The following SLC7A1 variants were observed in gnomAD, a reference collection of about 807,000 sequenced individuals.
SLC7A1 encodes the protein solute carrier family 7 member 1, also known as high affinity cationic amino acid transporter 1.
Under a neutral mutation model 53.9 loss-of-function variants are expected in SLC7A1, and 10 were observed. The observed-to-expected ratio is 0.19, with a 90% CI of 0.11 to 0.31. The LOEUF is 0.31. Ranked by LOEUF, SLC7A1 falls within the 10% of genes least tolerant of loss-of-function variation. The pLI, the probability that SLC7A1 is intolerant of heterozygous loss-of-function variation, is 1.00. For missense variants in SLC7A1, 525 were observed against 827.2 expected, an observed-to-expected ratio of 0.63 and a Z score of 4.48; for synonymous variants, 342 against 338.7, an observed-to-expected ratio of 1.01 and a Z score of -0.11.
At position 29,517,803 on chromosome 13, in the gene SLC7A1, G is replaced by A. The variant is rs368572740; in HGVS notation, c.1293-13C>T. 3 of 1,606,242 alleles carry A rather than the reference G, an allele frequency of 1.9e-6. No homozygotes were observed. Among genetic ancestry groups the A allele is most frequent in the East Asian group, 4.5e-5 (2 of 44,862 alleles). On this transcript the variant is annotated splice_polypyrimidine_tract_variant and intron_variant, in intron 9 of 12. Coordinates refer to ENST00000380752, the MANE Select transcript of SLC7A1 (RefSeq NM_003045.5). Reference sequence around the variant, plus strand: ...CTCTGGCTGGTACCTGGGAAGAAAGGCATTGCGTGACCGCCACATCTGCTT... The same window carrying A: ...CTCTGGCTGGTACCTGGGAAGAAAGACATTGCGTGACCGCCACATCTGCTT...
chr13:29,550,811 G>A (rs1870144501), intron 2 of SLC7A1, among the ~76,000 whole-genome samples: 1 of 152,208 alleles, frequency 6.6e-6, no homozygotes, highest in East Asian at 1.9e-4. Flanking sequence ...GAGAAAGTAA[G>A]ATGTGTGTTG....
At chr13:29,570,981 G>A (rs764044452) in intron 1 of SLC7A1, among the ~76,000 whole-genome samples, 1 of 152,110 alleles carries the variant, frequency 6.6e-6, no homozygotes, top group Non-Finnish European at 1.5e-5. Context: ...CTGGTGCATA[G>A]TATGCGCTAT....
At chr13:29,574,723 C>A (rs11843711) in intron 1 of SLC7A1, among the ~76,000 whole-genome samples, 2,606 of 148,586 alleles carry the variant, frequency 0.018, 63 homozygotes, top group African/African-American at 0.061. Flanking sequence ...CGGCTCACTG[C>A]AAGCTCCGCC....
At chr13:29,546,732 G>A (rs970469510) in intron 2 of SLC7A1, among the ~76,000 whole-genome samples, 3 of 152,184 alleles carry the variant, frequency 2.0e-5, no homozygotes, top group Admixed American at 2.0e-4. Context: ...AAAAAAACTT[G>A]GAACTCCTAG....
At chr13:29,524,997 T>G (rs1868818103) in intron 5 of SLC7A1, among the ~76,000 whole-genome samples, 1 of 152,224 alleles carries the variant, frequency 6.6e-6, no homozygotes, top group African/African-American at 2.4e-5. Flanking sequence ...TGTGGCGCTA[T>G]GGCCCCTCCC....
rs1201758024 is a variant in SLC7A1, at chr13:29,527,074, A to T, written c.705-2821T>A. ...ATAACAATGAACAAGGGCCTGATTA[A>T]AAAAAAAAAAAAAAAATCTGCAGGG... On this transcript the variant is annotated intron_variant, in intron 5 of 12. Coordinates refer to ENST00000380752, the MANE Select transcript of SLC7A1 (RefSeq NM_003045.5). Among the ~76,000 whole-genome samples the T allele has an allele frequency of 5.6e-4, 6 of 10,732 alleles. No individual in the cohort carries two copies. The Non-Finnish European group carries it at 0.022, about 39-fold the overall frequency. 7.0% of individuals were successfully genotyped at this position (10,732 alleles called of 152,430 possible).
chr13:29,547,765 A>C (rs1593558909), intron 2 of SLC7A1, among the ~76,000 whole-genome samples: 1 of 152,256 alleles, frequency 6.6e-6, no homozygotes, highest in East Asian at 1.9e-4. Context: ...GTCTAGGAGA[A>C]GCTGATAAGC....
At chr13:29,524,101 G>A (rs749972871) in intron 6 of SLC7A1, 31 bp downstream of exon 6, 20 of 1,610,112 alleles carry the variant, frequency 1.2e-5, no homozygotes, top group Admixed American at 1.7e-5. Flanking sequence ...GGTGCAGGAG[G>A]ACCCGGGACC....
At chr13:29,529,018 A>T (rs1048371740) in intron 5 of SLC7A1, among the ~76,000 whole-genome samples, 1 of 152,210 alleles carries the variant, frequency 6.6e-6, no homozygotes, top group Non-Finnish European at 1.5e-5. Flanking sequence ...AACCGGTCGA[A>T]TATGCTCTGA....
intron 9 of SLC7A1, among the ~76,000 whole-genome samples, chr13:29,519,187 G>T (rs557703303): frequency 1.1e-4 from 17 of 152,224 alleles, no homozygotes; most frequent in African/African-American, 3.9e-4. Flanking sequence ...GTTGGACCGA[G>T]AATCTGTCTC....
chr13:29,520,827 A>G (rs954976494), intron 8 of SLC7A1, among the ~76,000 whole-genome samples: 1 of 152,270 alleles, frequency 6.6e-6, no homozygotes, highest in Admixed American at 6.5e-5. Context: ...CCAACTGTGC[A>G]TGCCACAAAT....
chr13:29,521,590 C>T (rs929787722), intron 8 of SLC7A1, among the ~76,000 whole-genome samples: 3 of 152,186 alleles, frequency 2.0e-5, no homozygotes, highest in African/African-American at 4.8e-5. Flanking sequence ...AAGGGGCGGG[C>T]GTCTGCCTCT....
At chr13:29,556,171 G>A (rs1870430638) in intron 1 of SLC7A1, among the ~76,000 whole-genome samples, 1 of 152,024 alleles carries the variant, frequency 6.6e-6, no homozygotes, top group Non-Finnish European at 1.5e-5. Flanking sequence ...ACTGAATGCA[G>A]AAGCACATAT....
intron 6 of SLC7A1, among the ~76,000 whole-genome samples, 155 bp downstream of exon 6, chr13:29,523,977 G>A (rs1224436553): frequency 1.3e-5 from 2 of 152,210 alleles, no homozygotes; most frequent in Non-Finnish European, 2.9e-5. Flanking sequence ...ATGGTTTGGG[G>A]GTGGGAGGGC....
chr13:29,516,563 A>T (rs992202263), intron 11 of SLC7A1, among the ~76,000 whole-genome samples: 1 of 152,218 alleles, frequency 6.6e-6, no homozygotes, highest in Admixed American at 6.5e-5. Context: ...ACGGACCTCC[A>T]CTTTACCTCT....
chr13:29,526,774 G>C (rs868656722), intron 5 of SLC7A1, among the ~76,000 whole-genome samples: 1 of 152,232 alleles, frequency 6.6e-6, no homozygotes, highest in African/African-American at 2.4e-5. Flanking sequence ...CGATGGGTGA[G>C]CGCAAAGCGA....
chr13:29,524,299 G>A, intron 5 of SLC7A1, 46 bp from the exon 6 acceptor site: 1 of 1,612,390 alleles, frequency 6.2e-7, no homozygotes, highest in Non-Finnish European at 8.5e-7. Context: ...TCGCTGCGCA[G>A]TCTGGCGTAA....
intron 5 of SLC7A1, among the ~76,000 whole-genome samples, chr13:29,525,941 C>T (rs1868868089): frequency 6.6e-6 from 1 of 152,234 alleles, no homozygotes; most frequent in Non-Finnish European, 1.5e-5. Context: ...GCCAGAGGCC[C>T]CGCCGGCCAC....
intron 4 of SLC7A1, among the ~76,000 whole-genome samples, chr13:29,531,793 A>G (rs1869175441): frequency 6.6e-6 from 1 of 152,102 alleles, no homozygotes; most frequent in Non-Finnish European, 1.5e-5. Flanking sequence ...AAGATCGCGC[A>G]ACTGCACTCC....
Sources: gnomAD v4.1 joint callset for allele counts (sites outside exome capture counted in the v4.1 genomes callset) on GRCh38, gnomAD v4.1.1 for gene constraint, MANE v1.5 for transcripts, NCBI Gene and HGNC (gene_info 2026-07-23, HGNC 2026-07-21) for gene names.